Variants in ADGRL2 observed in about 807,000 individuals in gnomAD.
The protein encoded by ADGRL2 is adhesion G protein-coupled receptor L2.
Under a neutral mutation model 157.4 loss-of-function variants are expected in ADGRL2, and 44 were observed. The observed-to-expected ratio is 0.28, with a 90% CI of 0.22 to 0.36. The LOEUF (loss-of-function observed/expected upper bound fraction) is 0.36. ADGRL2 is among the 10% of genes least tolerant of loss of function. ADGRL2 has a pLI of 1.00. For synonymous variants in ADGRL2, 585 were observed against 624.7 expected (o/e 0.94, Z 0.95); for missense variants, 1,510 against 1,768.9 (o/e 0.85, Z 2.63).
At chr1:81,657,327 T>C (rs2082556808) in intron 3 of ADGRL2, among the ~76,000 whole-genome samples, 1 of 152,174 alleles carries the variant, frequency 6.6e-6, no homozygotes, top group South Asian at 2.1e-4. Flanking sequence ...AAATAGATAG[T>C]GCCATCTATG....
chr1:81,819,269 G>A (rs2090739612), intron 1 of ADGRL2, among the ~76,000 whole-genome samples: 1 of 152,092 alleles, frequency 6.6e-6, no homozygotes. Context: ...TTGATTGAAT[G>A]CGAGGTAAAG....
chr1:81,475,060 C>A (rs932688390), intron 2 of ADGRL2, among the ~76,000 whole-genome samples: 14 of 152,282 alleles, frequency 9.2e-5, no homozygotes, highest in African/African-American at 3.4e-4. Flanking sequence ...TCCTTAGGCC[C>A]CCCAAGTCTT....
At chr1:81,401,318 G>A (rs371516143) in intron 1 of ADGRL2, among the ~76,000 whole-genome samples, 12 of 152,214 alleles carry the variant, frequency 7.9e-5, no homozygotes, top group East Asian at 7.8e-4. Flanking sequence ...ACACAGGCAG[G>A]GGACCCCAGT....
intron 16 of ADGRL2, among the ~76,000 whole-genome samples, chr1:81,970,864 A>C (rs1572438445): frequency 6.6e-6 from 1 of 152,300 alleles, no homozygotes; most frequent in East Asian, 1.9e-4. Flanking sequence ...GACAGGTTTA[A>C]CTACTCAGTG....
intron 1 of ADGRL2, among the ~76,000 whole-genome samples, chr1:81,335,020 C>T (rs1661534069): frequency 6.6e-6 from 1 of 152,138 alleles, no homozygotes; most frequent in Non-Finnish European, 1.5e-5. Flanking sequence ...AATGAGCCTT[C>T]CTTACCTGAA....
At chr1:81,540,583 G>A (rs954945801) in intron 2 of ADGRL2, among the ~76,000 whole-genome samples, 1 of 152,214 alleles carries the variant, frequency 6.6e-6, no homozygotes, top group East Asian at 1.9e-4. Context: ...CAAAGGAGCT[G>A]CTTGTGCACA....
At chr1:81,463,626 G>A (rs751714529) in intron 2 of ADGRL2, among the ~76,000 whole-genome samples, 12 of 152,240 alleles carry the variant, frequency 7.9e-5, no homozygotes, top group South Asian at 6.2e-4. Context: ...ATTTGGTCTT[G>A]TTTTATGTGT....
intron 1 of ADGRL2, among the ~76,000 whole-genome samples, chr1:81,813,193 A>G (rs2090047294): frequency 6.6e-6 from 1 of 151,438 alleles, no homozygotes; most frequent in Non-Finnish European, 1.5e-5. Flanking sequence ...ATTTTGGTAT[A>G]GTAACATTAT....
intron 3 of ADGRL2, among the ~76,000 whole-genome samples, chr1:81,656,432 T>G (rs1262550056): frequency 6.6e-6 from 1 of 152,178 alleles, no homozygotes; most frequent in Non-Finnish European, 1.5e-5. Flanking sequence ...AGACCAAGAT[T>G]CACATTTTTG....
intron 1 of ADGRL2, among the ~76,000 whole-genome samples, chr1:81,442,369 C>T (rs970294598): frequency 2.0e-4 from 31 of 152,292 alleles, no homozygotes; most frequent in African/African-American, 6.7e-4. Context: ...AAATATCCCT[C>T]TTTCACCAAA....
chr1:81,869,714 AAT>A (rs1221485485), intron 2 of ADGRL2, among the ~76,000 whole-genome samples: 7 of 150,212 alleles, frequency 4.7e-5, no homozygotes, highest in African/African-American at 1.7e-4. Context: ...GTAAAAAAAA[AAT>A]ATAATTTGTG....
At chr1:81,951,199 G>A in intron 8 of ADGRL2, 78 bp downstream of exon 8, 1 of 959,534 alleles carries the variant, frequency 1.0e-6, no homozygotes, top group Non-Finnish European at 1.7e-6. Context: ...AGCTTTGTGT[G>A]TTAAAACCAG....
chr1:81,330,637 A>G (rs1207253466), intron 1 of ADGRL2, among the ~76,000 whole-genome samples: 1 of 152,132 alleles, frequency 6.6e-6, no homozygotes, highest in Non-Finnish European at 1.5e-5. Flanking sequence ...CTATTATACC[A>G]TGGCATTATC....
chr1:81,482,406 A>T (rs571028029), intron 2 of ADGRL2, among the ~76,000 whole-genome samples: 5 of 152,172 alleles, frequency 3.3e-5, no homozygotes, highest in Non-Finnish European at 7.3e-5. Context: ...ACTTAAAAAA[A>T]ATTATCTTTG....
At chr1:81,740,381 C>A (rs951246656) in intron 1 of ADGRL2, among the ~76,000 whole-genome samples, 11 of 152,124 alleles carry the variant, frequency 7.2e-5, no homozygotes, top group Non-Finnish European at 1.3e-4. Flanking sequence ...TATTTAGTAG[C>A]CATGTCTGAA....
intron 23 of ADGRL2, among the ~76,000 whole-genome samples, chr1:81,989,137 T>G (rs931165045): frequency 2.8e-4 from 42 of 152,176 alleles, no homozygotes; most frequent in Admixed American, 1.3e-4. Flanking sequence ...AATACAACTC[T>G]GATTCAAATA....
intron 2 of ADGRL2, among the ~76,000 whole-genome samples, chr1:81,893,644 G>A (rs2094319527): frequency 6.6e-6 from 1 of 152,186 alleles, no homozygotes; most frequent in Non-Finnish European, 1.5e-5. Flanking sequence ...TGTAGGGGCA[G>A]AGCTTATACC....
chr1:81,330,359 A>G (rs2100690505), intron 1 of ADGRL2, among the ~76,000 whole-genome samples: 1 of 152,304 alleles, frequency 6.6e-6, no homozygotes, highest in Middle Eastern at 3.4e-3. Flanking sequence ...TGCAGGTCAT[A>G]TCTGATTAAA....
intron 2 of ADGRL2, among the ~76,000 whole-genome samples, chr1:81,847,817 A>G (rs1244315130): frequency 6.6e-6 from 1 of 151,954 alleles, no homozygotes; most frequent in East Asian, 1.9e-4. Context: ...CTATAAAGTC[A>G]TGTAATGCAA....
Sources: gnomAD v4.1 joint callset for allele counts (sites outside exome capture counted in the v4.1 genomes callset) on GRCh38, gnomAD v4.1.1 for gene constraint, MANE v1.5 for transcripts, NCBI Gene and HGNC (gene_info 2026-07-23, HGNC 2026-07-21) for gene names.